Variants in TAFA1 observed in about 807,000 individuals in gnomAD.
TAFA1 encodes chemokine-like protein TAFA-1.
Under a neutral mutation model 18.5 loss-of-function variants are expected in TAFA1, and 4 were observed. That is an observed-to-expected ratio of 0.22 (90% CI 0.11 to 0.49). The LOEUF (loss-of-function observed/expected upper bound fraction) is 0.49. Among genes scored for constraint, TAFA1 ranks in the 20% least tolerant of loss-of-function variants. TAFA1 has a pLI of 0.98. For missense variants in TAFA1, 147 were observed against 169.0 expected, an observed-to-expected ratio of 0.87 and a Z score of 0.72; for synonymous variants, 56 against 55.2, an observed-to-expected ratio of 1.01 and a Z score of -0.06.
chr3:68,341,758 T>C (rs1244574797), intron 2 of TAFA1, among the ~76,000 whole-genome samples: 1 of 152,220 alleles, frequency 6.6e-6, no homozygotes. Context: ...CTGTCATAAT[T>C]TCCTGAGTTA....
At chr3:68,240,085 A>G (rs1430649878) in intron 2 of TAFA1, among the ~76,000 whole-genome samples, 1 of 152,228 alleles carries the variant, frequency 6.6e-6, no homozygotes, top group African/African-American at 2.4e-5. Context: ...TAGAACCACC[A>G]GTCTTTTGAC....
chr3:68,228,972 A>G (rs571124379), intron 2 of TAFA1, among the ~76,000 whole-genome samples: 12 of 152,310 alleles, frequency 7.9e-5, no homozygotes, highest in Non-Finnish European at 1.6e-4. Context: ...CTCTTGAAGA[A>G]TTCATTCTGC....
chr3:68,521,856 GTTTTTTT>G (rs57372768), intron 3 of TAFA1, among the ~76,000 whole-genome samples: 1 of 70,848 alleles, frequency 1.4e-5, no homozygotes, highest in Non-Finnish European at 2.4e-5. Flanking sequence ...GTTTTTTTCT[GTTTTTTT>G]TTTTTTTTTT....
chr3:68,144,994 G>A lies in TAFA1; in HGVS notation c.118+138250G>A, dbSNP rs374126247. 5.1e-5 allele frequency: 76 copies of A among 1,491,824 alleles called. No homozygotes were observed. The South Asian group carries it at 5.8e-4, about 11-fold the overall frequency. 92.4% of individuals were successfully genotyped at this position (1,491,824 alleles called of 1,614,324 possible). ...ATCAAGATGCCTAGGCCCGGAGACC[G>A]GCCGTGAAGATGCCAGTGGCGGTGA... On this transcript the variant is annotated intron_variant, in intron 2 of 4. Coordinates refer to ENST00000478136, the MANE Select transcript of TAFA1 (RefSeq NM_213609.4).
intron 2 of TAFA1, among the ~76,000 whole-genome samples, chr3:68,128,670 T>A (rs935930917): frequency 6.6e-5 from 10 of 152,212 alleles, no homozygotes; most frequent in African/African-American, 1.7e-4. Context: ...AATGTGGATA[T>A]GCTCTGTGGA....
At chr3:68,031,594 C>T (rs1444424616) in intron 2 of TAFA1, among the ~76,000 whole-genome samples, 1 of 152,154 alleles carries the variant, frequency 6.6e-6, no homozygotes, top group African/African-American at 2.4e-5. Flanking sequence ...TGAAAATCGT[C>T]ATTTCCATTT....
At chr3:68,409,322 G>A (rs755661645) in intron 2 of TAFA1, among the ~76,000 whole-genome samples, 2 of 152,092 alleles carry the variant, frequency 1.3e-5, no homozygotes, top group Non-Finnish European at 2.9e-5. Flanking sequence ...TTGGCACTAT[G>A]TCCCCACCCA....
At chr3:68,478,609 T>C (rs2072150286) in intron 3 of TAFA1, among the ~76,000 whole-genome samples, 1 of 152,206 alleles carries the variant, frequency 6.6e-6, no homozygotes, top group Non-Finnish European at 1.5e-5. Context: ...TCAGTTTTTG[T>C]AGATTGAGCC....
intron 2 of TAFA1, chr3:68,250,789 T>C (rs74654467): frequency 1.3e-5 from 2 of 151,740 alleles, no homozygotes; most frequent in Non-Finnish European, 1.5e-5. Flanking sequence ...TTTTTTTTTT[T>C]AGCAATTTCC....
chr3:68,080,026 G>T (rs957116000), intron 2 of TAFA1, among the ~76,000 whole-genome samples: 3 of 152,052 alleles, frequency 2.0e-5, no homozygotes, highest in African/African-American at 7.2e-5. Context: ...ATTTAGGATA[G>T]TTAGCTCTTC....
At chr3:68,319,655 C>G (rs1355911837) in intron 2 of TAFA1, among the ~76,000 whole-genome samples, 1 of 152,230 alleles carries the variant, frequency 6.6e-6, no homozygotes, top group Admixed American at 6.5e-5. Flanking sequence ...TAAATTCATT[C>G]TTGGCTTTGT....
At chr3:68,487,480 G>A (rs1270113820) in intron 3 of TAFA1, among the ~76,000 whole-genome samples, 2 of 152,116 alleles carry the variant, frequency 1.3e-5, no homozygotes, top group African/African-American at 4.8e-5. Flanking sequence ...AGGCGTGGTA[G>A]CTTACACCTG....
rs150074388 is a variant in TAFA1, at chr3:68,456,757, A to G, written c.259+39337A>G. On this transcript the variant is annotated intron_variant, in intron 3 of 4. Transcript: ENST00000478136. Reference sequence around the variant, plus strand: ...TGCAAGCTTTTGCGCCTGCTGGCATAGTTGCAGCTACAGCTTCCCACTTTT... The same window carrying G: ...TGCAAGCTTTTGCGCCTGCTGGCATGGTTGCAGCTACAGCTTCCCACTTTT... 4.1e-4 allele frequency among the ~76,000 whole-genome samples: 63 copies of G among 152,336 alleles called. No homozygotes were observed. In the East Asian group the frequency reaches 8.1e-3, roughly 20 times the overall value.
intron 2 of TAFA1, among the ~76,000 whole-genome samples, chr3:68,269,532 T>C (rs2067619728): frequency 6.6e-6 from 1 of 152,198 alleles, no homozygotes; most frequent in Non-Finnish European, 1.5e-5. Context: ...TTTGCCTTTC[T>C]ATGAGTGTTC....
intron 3 of TAFA1, among the ~76,000 whole-genome samples, chr3:68,531,969 T>C (rs1261100708): frequency 6.6e-6 from 1 of 152,234 alleles, no homozygotes; most frequent in Non-Finnish European, 1.5e-5. Flanking sequence ...TATTATTGCA[T>C]TGACTATCTT....
At chr3:68,271,023 A>C (rs1179343699) in intron 2 of TAFA1, among the ~76,000 whole-genome samples, 1 of 152,108 alleles carries the variant, frequency 6.6e-6, no homozygotes, top group Non-Finnish European at 1.5e-5. Context: ...AGCCGAGAAA[A>C]ATAGGTAAAA....
At chr3:68,072,905 T>G (rs187318822) in intron 2 of TAFA1, among the ~76,000 whole-genome samples, 2 of 152,188 alleles carry the variant, frequency 1.3e-5, no homozygotes, top group Admixed American at 6.5e-5. Context: ...CATAAAGCAT[T>G]CAGATCAGTG....
chr3:68,102,110 A>G (rs1287525504), intron 2 of TAFA1, among the ~76,000 whole-genome samples: 1 of 152,134 alleles, frequency 6.6e-6, no homozygotes, highest in Non-Finnish European at 1.5e-5. Context: ...CCTTTTTGAC[A>G]TTTTGACTCT....
intron 3 of TAFA1, among the ~76,000 whole-genome samples, chr3:68,451,578 C>T (rs1250365699): frequency 1.3e-5 from 2 of 152,262 alleles, no homozygotes; most frequent in Non-Finnish European, 1.5e-5. Flanking sequence ...CTTCCCCTTC[C>T]ATCTGTACAT....
Sources: allele counts gnomAD v4.1 joint callset (sites outside exome capture counted in the v4.1 genomes callset), GRCh38; gene constraint gnomAD v4.1.1; transcripts MANE v1.5; gene names NCBI Gene and HGNC (gene_info 2026-07-23, HGNC 2026-07-21).